NEURL1: variants seen among roughly 807,000 people sequenced by gnomAD.
NEURL1 encodes the protein neuralized E3 ubiquitin protein ligase 1, also known as E3 ubiquitin-protein ligase NEURL1.
NEURL1 carries 26 observed loss-of-function variants against 41.2 expected under a neutral mutation model. That is an observed-to-expected ratio of 0.63 (90% confidence interval 0.46 to 0.87). NEURL1 has a LOEUF of 0.87. Among genes scored for constraint, NEURL1 ranks in the 40% least tolerant of loss-of-function variants. The pLI is 0.00. For missense variants in NEURL1, 761 were observed against 871.1 expected, an observed-to-expected ratio of 0.87 and a Z score of 1.59; for synonymous variants, 400 against 402.3, an observed-to-expected ratio of 0.99 and a Z score of 0.07.
At position 103,503,041 on chromosome 10, in the gene NEURL1, G is replaced by A. The variant is rs1456661349; in HGVS notation, c.85+8569G>A. Among the ~76,000 whole-genome samples, 7 of 152,366 alleles carry A rather than the reference G, an allele frequency of 4.6e-5. No homozygotes were observed. The South Asian group carries it at 1.4e-3, about 32-fold the overall frequency. On this transcript the variant is annotated intron_variant, in intron 1 of 5. Coordinates refer to ENST00000369780, the MANE Select transcript of NEURL1 (RefSeq NM_004210.5). ...ACAGGCAGAACTGGCCCTGGCTGCT[G>A]AGACAAGCTGGCCGATAGGAGGGCC... is the stretch of plus-strand genomic sequence containing the variant.
chr10:103,524,349 C>T (rs1360725738), intron 1 of NEURL1, among the ~76,000 whole-genome samples: 2 of 152,204 alleles, frequency 1.3e-5, no homozygotes, highest in East Asian at 1.9e-4. Flanking sequence ...ATATTAACCC[C>T]TTGTCAGATG....
Position 103,566,442 on chromosome 10 carries a change from T to C in NEURL1, c.86-4430T>C, listed in dbSNP as rs1320638011. On this transcript the variant is annotated intron_variant, in intron 1 of 5. Coordinates refer to ENST00000369780, the MANE Select transcript of NEURL1 (RefSeq NM_004210.5). The surrounding 1 kb of genome is among the most constrained non-coding windows in gnomAD (Gnocchi z 4.2). ...TAGTTTTGCCTTTTCCAAAATATCA[T>C]ACGGATGGAATCGTACAGCATACAG... is the stretch of plus-strand genomic sequence containing the variant. Among the ~76,000 whole-genome samples, 1 of 152,196 alleles carries C rather than the reference T, an allele frequency of 6.6e-6. No individual in the cohort carries two copies. Among genetic ancestry groups the C allele is most frequent in the African/African-American group, 2.4e-5 (1 of 41,444 alleles).
At chr10:103,510,307 G>A (rs1427129492) in intron 1 of NEURL1, among the ~76,000 whole-genome samples, 3 of 152,172 alleles carry the variant, frequency 2.0e-5, no homozygotes, top group East Asian at 1.9e-4. Context: ...GGTGGGCTCC[G>A]TAGACACCCA....
Position 103,590,637 on chromosome 10 carries a change from T to C in NEURL1, c.*265T>C. On this transcript the variant is annotated 3_prime_UTR_variant, in exon 6 of 6. Coordinates refer to ENST00000369780, the MANE Select transcript of NEURL1 (RefSeq NM_004210.5). The stretch of plus-strand genomic sequence containing the variant: ...CTCCCGTCTCTGCACCCAGCTCCTC[T>C]CTGCATGCTGAGGGCTAAATTGGGA... 2 of 519,326 alleles carry C rather than the reference T, an allele frequency of 3.9e-6. No individual in the cohort carries two copies. The highest frequency in any genetic ancestry group is 6.9e-6 in the Non-Finnish European group (2 of 288,428). The allele number at this position is 519,326 out of a possible 1,614,324, so 32.2% of individuals were successfully genotyped here. A position where few individuals can be genotyped will look rare whatever the true frequency, so the allele number is the denominator to read the frequency against.
intron 2 of NEURL1, 61 bp from the exon 3 acceptor site, chr10:103,571,440 T>C: frequency 6.7e-7 from 1 of 1,500,428 alleles, no homozygotes; most frequent in East Asian, 2.3e-5. Context: ...GCAGGGAGGC[T>C]GCCCTTGGTC....
chr10:103,503,959 T>TTTTATTTATTTA (rs56135179), intron 1 of NEURL1, among the ~76,000 whole-genome samples: 49 of 136,096 alleles, frequency 3.6e-4, no homozygotes, highest in African/African-American at 6.3e-4. Flanking sequence ...CTGGCTAGTA[T>TTTTATTTATTTA]TTTATTTATT....
chr10:103,564,216 G>A (rs945214511), intron 1 of NEURL1, among the ~76,000 whole-genome samples: 1 of 152,224 alleles, frequency 6.6e-6, no homozygotes, highest in African/African-American at 2.4e-5. Flanking sequence ...CTTGTGTCTG[G>A]CAGCTCATAA....
intron 1 of NEURL1, among the ~76,000 whole-genome samples, chr10:103,521,888 C>A (rs1450547882): frequency 6.6e-6 from 1 of 152,084 alleles, no homozygotes; most frequent in Non-Finnish European, 1.5e-5. Flanking sequence ...AGCAACAAGG[C>A]TGTTTATTTC....
In NEURL1 at chr10:103,590,423, G is replaced by T. The variant is rs769497466; in HGVS notation, c.*51G>T. 1 of 1,508,486 alleles carries T rather than the reference G, an allele frequency of 6.6e-7. No homozygotes were observed. The highest frequency in any genetic ancestry group is 1.1e-5 in the South Asian group (1 of 88,754). The allele number at this position is 1,508,486 out of a possible 1,614,324, so 93.4% of individuals were successfully genotyped here. On this transcript the variant is annotated 3_prime_UTR_variant, in exon 6 of 6. Transcript: ENST00000369780. Reference sequence around the variant, plus strand: ...ACCCATCTTCTCGGGCTTCAGCCCAGTCCCAGCTGAGGAACAAGCCAGTGG... The same window carrying T: ...ACCCATCTTCTCGGGCTTCAGCCCATTCCCAGCTGAGGAACAAGCCAGTGG...
intron 1 of NEURL1, among the ~76,000 whole-genome samples, chr10:103,548,380 T>A (rs1305214659): frequency 1.3e-5 from 2 of 152,204 alleles, no homozygotes; most frequent in Admixed American, 1.3e-4. Context: ...TGGAGTGCAA[T>A]GGCACAATCT....
intron 1 of NEURL1, among the ~76,000 whole-genome samples, chr10:103,498,184 C>T (rs924626107): frequency 6.6e-6 from 1 of 152,216 alleles, no homozygotes; most frequent in Non-Finnish European, 1.5e-5. Context: ...AGATTTTCCT[C>T]CTTGCCCAGG....
At chr10:103,550,143 T>G (rs2035003786) in intron 1 of NEURL1, among the ~76,000 whole-genome samples, 1 of 152,180 alleles carries the variant, frequency 6.6e-6, no homozygotes, top group South Asian at 2.1e-4. Flanking sequence ...AGGTTTAGGC[T>G]GGGAATGAGG....
chr10:103,529,998 G>A (rs1482927974), intron 1 of NEURL1, among the ~76,000 whole-genome samples: 5 of 152,116 alleles, frequency 3.3e-5, no homozygotes, highest in Non-Finnish European at 7.4e-5. Context: ...CAAAAGAGTG[G>A]CTACTCCACA....
intron 3 of NEURL1, among the ~76,000 whole-genome samples, chr10:103,575,387 A>G (rs1197358256): frequency 2.0e-5 from 3 of 151,814 alleles, no homozygotes; most frequent in Non-Finnish European, 2.9e-5. Context: ...CCCCAAACCA[A>G]TGTCTGATCT....
At chr10:103,502,334 A>T (rs2033844009) in intron 1 of NEURL1, among the ~76,000 whole-genome samples, 1 of 152,190 alleles carries the variant, frequency 6.6e-6, no homozygotes, top group Non-Finnish European at 1.5e-5. Context: ...ATTTTCTCAG[A>T]GTCCTGGAGG....
intron 5 of NEURL1, among the ~76,000 whole-genome samples, chr10:103,589,887 A>G (rs2036001640): frequency 6.6e-6 from 1 of 152,076 alleles, no homozygotes; most frequent in African/African-American, 2.4e-5. Context: ...TCCTTCCTCC[A>G]TCTTGCCTTC....
At chr10:103,570,047 C>T (rs1378601883) in intron 1 of NEURL1, among the ~76,000 whole-genome samples, 1 of 152,178 alleles carries the variant, frequency 6.6e-6, no homozygotes, top group African/African-American at 2.4e-5. Flanking sequence ...GGGAGGCAGG[C>T]CCAATGCCGA....
chr10:103,525,133 T>G (rs2034434213), intron 1 of NEURL1, among the ~76,000 whole-genome samples: 1 of 152,140 alleles, frequency 6.6e-6, no homozygotes. Context: ...CAGTTCTTAT[T>G]GTAGAGATCT....
chr10:103,536,883 A>G (rs1416517933), intron 1 of NEURL1, among the ~76,000 whole-genome samples: 4 of 152,072 alleles, frequency 2.6e-5, no homozygotes, highest in Non-Finnish European at 5.9e-5. Context: ...CATTTTCCCA[A>G]ACTGGAACCC....
Sources: gnomAD v4.1 joint callset for allele counts (sites outside exome capture counted in the v4.1 genomes callset) on GRCh38, gnomAD v4.1.1 for gene constraint, Gnocchi (gnomAD v3.1) non-coding constraint, MANE v1.5 for transcripts, NCBI Gene and HGNC (gene_info 2026-07-23, HGNC 2026-07-21) for gene names.